YARS2: variants seen among roughly 807,000 people sequenced by gnomAD.
YARS2 encodes tyrosine--tRNA ligase, mitochondrial.
YARS2 carries 38 observed loss-of-function variants against 45.0 expected under a neutral mutation model. The observed-to-expected ratio is 0.84, with a 90% CI of 0.65 to 1.11. YARS2 has a LOEUF of 1.11. YARS2 is among the 50% of genes least tolerant of loss of function. The pLI is 0.00. For synonymous variants in YARS2, 287 were observed against 245.1 expected, an observed-to-expected ratio of 1.17 and a Z score of -1.60; for missense variants, 602 against 599.8, an observed-to-expected ratio of 1.00 and a Z score of -0.04.
chr12:32,751,975 G>A (rs1314846095), intron 2 of YARS2, among the ~76,000 whole-genome samples: 1 of 152,094 alleles, frequency 6.6e-6, no homozygotes, highest in Non-Finnish European at 1.5e-5. Flanking sequence ...TTACCCTCGC[G>A]TTATCACTGC....
Position 32,755,585 on chromosome 12 carries a change from C to T in YARS2, c.290G>A (p.Gly97Asp). ...GCCCGCTCGCTGCAAATGAAACAGG[C>T]CCAGCAGCGCAAGTAGATGACCCAC... ...LHVGHLLALL[G>D]LFHLQRAGHN... The change falls in exon 1 of 5, where the codon GGC becomes GAC. Residue 97 changes from glycine (G) to aspartate (D), a missense_variant. Physicochemically the swap from Gly to Asp is moderately conservative, Grantham distance 94. Transcript: ENST00000324868. The T allele has an allele frequency of 6.2e-7, 1 of 1,613,812 alleles. No individual in the cohort carries two copies.
In YARS2 at chr12:32,750,741, C is replaced by T. The variant is rs148805938; in HGVS notation, c.1081G>A (p.Glu361Lys). The change falls in exon 3 of 5, where the codon GAA becomes AAA. Residue 361 changes from glutamate to lysine, a missense_variant. Transcript: ENST00000324868. ...TACCTTTTAGCAGAATCCAATCCTT[C>T]TCGTCCATGAACAAGCTTTGTTACT... ...AEVTKLVHGR[E>K]GLDSAKRCTQ... The T allele has an allele frequency of 4.3e-6, 7 of 1,614,004 alleles. No homozygotes were observed. In the African/African-American group the frequency reaches 8.0e-5, roughly 18 times the overall value.
At chr12:32,750,401 C>T (rs773382919) in intron 3 of YARS2, among the ~76,000 whole-genome samples, 17 of 152,124 alleles carry the variant, frequency 1.1e-4, no homozygotes, top group Non-Finnish European at 1.9e-4. Context: ...GGGGGTTTCA[C>T]CATGTTGGTC....
rs750572052 is a variant in YARS2, at chr12:32,750,795, G to A, written c.1027C>T (p.Arg343Trp). 6.2e-7 allele frequency: 1 copy of A among 1,614,104 alleles called. No individual in the cohort carries two copies. Among genetic ancestry groups the A allele is most frequent in the Non-Finnish European group, 8.5e-7 (1 of 1,180,020 alleles). Residue 343 changes from arginine (R) to tryptophan (W), a missense_variant, in exon 3 of 5, where the codon CGG becomes TGG. Coordinates refer to ENST00000324868, the MANE Select transcript of YARS2 (RefSeq NM_001040436.3). The part of the protein sequence containing the change: ...MQLHVKEPER[R>W]GPQKRLAAEV... Reference sequence around the variant, plus strand: ...GCTGCCAGTCGTTTCTGAGGACCCCGCCTTTCTGGCTCTTTGACATGCAGC... The same window carrying A: ...GCTGCCAGTCGTTTCTGAGGACCCCACCTTTCTGGCTCTTTGACATGCAGC...
Position 32,750,024 on chromosome 12 carries a change from G to A in YARS2, c.1187C>T (p.Ala396Val). Residue 396 changes from alanine to valine, a missense_variant, in exon 4 of 5, where the codon GCT becomes GTT. Coordinates refer to ENST00000324868, the MANE Select transcript of YARS2 (RefSeq NM_001040436.3). ...ATCGAGAAAAAATTCAGAAAATGGA[G>A]CTTCTTTAAACAACTCTTTTAACTC... ...DQELKELFKE[A>V]PFSEFFLDPG... is the part of the protein sequence containing the mutation. 6.2e-7 allele frequency: 1 copy of A among 1,614,068 alleles called. No individual in the cohort carries two copies. Among genetic ancestry groups the A allele is most frequent in the Non-Finnish European group, 8.5e-7 (1 of 1,179,972 alleles).
chr12:32,751,831 G>A (rs952597771), intron 2 of YARS2, among the ~76,000 whole-genome samples: 55 of 152,296 alleles, frequency 3.6e-4, no homozygotes, highest in African/African-American at 1.3e-3. Flanking sequence ...TGTAATGCTC[G>A]CTCGCCTGCC....
At chr12:32,753,540 A>G (rs1177765407) in intron 2 of YARS2, among the ~76,000 whole-genome samples, 1 of 152,236 alleles carries the variant, frequency 6.6e-6, no homozygotes, top group Non-Finnish European at 1.5e-5. Context: ...ATTTAAGGAG[A>G]AATCATTTCT....
At chr12:32,751,599 G>A (rs1360869277) in intron 2 of YARS2, among the ~76,000 whole-genome samples, 1 of 152,118 alleles carries the variant, frequency 6.6e-6, no homozygotes, top group Non-Finnish European at 1.5e-5. Context: ...GTCAATGATG[G>A]ACTACATATA....
rs1955643095 is a variant in YARS2 at position 32,746,736 on chromosome 12, C to T, written c.*468G>A. ...TATTTTCAGTAGAGACGGGGTTTCG[C>T]CCTGTTGGCCAGGCTGGTCTCAAAC... On this transcript the variant is annotated 3_prime_UTR_variant, in exon 5 of 5. Coordinates refer to ENST00000324868, the MANE Select transcript of YARS2 (RefSeq NM_001040436.3). 1 of 162,686 alleles carries T rather than the reference C, an allele frequency of 6.1e-6. No homozygotes were observed. The highest frequency in any genetic ancestry group is 1.3e-5 in the Non-Finnish European group (1 of 75,280). 10.1% of individuals were successfully genotyped at this position (162,686 alleles called of 1,614,324 possible). A position where few individuals can be genotyped will look rare whatever the true frequency, so the allele number is the denominator to read the frequency against.
rs568351237 is a variant in YARS2 at position 32,754,754 on chromosome 12, C to G, written c.779+342G>C. ...TTTGAGACGGAGTCTCCCTCTGTTG[C>G]CCCAGGCTGGAGTGCAGTGGCGCGA... On this transcript the variant is annotated intron_variant, in intron 1 of 4. Transcript: ENST00000324868. Among the ~76,000 whole-genome samples the G allele has an allele frequency of 4.4e-5, 6 of 137,924 alleles. No individual in the cohort carries two copies. The East Asian group carries it at 1.3e-3, about 29-fold the overall frequency. 90.5% of individuals were successfully genotyped at this position (137,924 alleles called of 152,430 possible).
At position 32,755,554 on chromosome 12, in the gene YARS2, G is replaced by A; in HGVS notation, c.321C>T (p.Asn107=). The A allele has an allele frequency of 6.8e-6, 11 of 1,613,684 alleles. No homozygotes were observed. Among genetic ancestry groups the A allele is most frequent in the Non-Finnish European group, 9.3e-6 (11 of 1,179,870 alleles). The part of the protein sequence containing the change: ...GLFHLQRAGH[N]VIALVGGATA... Reference sequence around the variant, plus strand: ...TGGCGCCTCCCACCAGCGCGATCACGTTGTGGCCCGCTCGCTGCAAATGAA... The same window carrying A: ...TGGCGCCTCCCACCAGCGCGATCACATTGTGGCCCGCTCGCTGCAAATGAA... Residue 107 remains asparagine (N), a synonymous_variant, in exon 1 of 5, where the codon AAC becomes AAT. Coordinates refer to ENST00000324868, the MANE Select transcript of YARS2 (RefSeq NM_001040436.3).
rs1344399008 is a variant in YARS2 at position 32,754,049 on chromosome 12, A to T, written c.816T>A (p.Pro272=). 1 of 1,614,218 alleles carries T rather than the reference A, an allele frequency of 6.2e-7. No individual in the cohort carries two copies. Among genetic ancestry groups the T allele is most frequent in the Non-Finnish European group, 8.5e-7 (1 of 1,180,044 alleles). The change falls in exon 2 of 5, where the codon CCT becomes CCA. Residue 272 remains proline, a synonymous_variant. Coordinates refer to ENST00000324868, the MANE Select transcript of YARS2 (RefSeq NM_001040436.3). The stretch of plus-strand genomic sequence containing the variant: ...TTGCTCCAGTTGTACTTGTAATTAG[A>T]GGAACGGTGATTCCAAATACATCTT... ...TGEDVFGITV[P]LITSTTGAKL...
At chr12:32,749,340 T>C (rs1233518957) in intron 4 of YARS2, among the ~76,000 whole-genome samples, 2 of 152,130 alleles carry the variant, frequency 1.3e-5, no homozygotes, top group South Asian at 2.1e-4. Flanking sequence ...TGCCAGTGTA[T>C]TTACTGAACA....
intron 1 of YARS2, 96 bp downstream of exon 1, chr12:32,755,000 C>T (rs1253613247): frequency 4.0e-6 from 6 of 1,512,848 alleles, no homozygotes; most frequent in Non-Finnish European, 5.5e-6. Flanking sequence ...AGAGCTGGAA[C>T]GAAGGGCAGC....
At position 32,755,650 on chromosome 12, in the gene YARS2, G is replaced by A. The variant is rs376399300; in HGVS notation, c.225C>T (p.Thr75=). 115 of 1,614,132 alleles carry A rather than the reference G, an allele frequency of 7.1e-5. No individual in the cohort carries two copies. The highest frequency in any genetic ancestry group is 6.4e-4 in the African/African-American group (48 of 74,958). The part of the protein sequence containing the change: ...FDRGTASFPQ[T]IYCGFDPTAD... ...CCGTGGGGTCGAAGCCACAGTAAAT[G>A]GTTTGGGGAAAACTCGCCGTGCCAC... is the stretch of plus-strand genomic sequence containing the variant. Residue 75 remains threonine, a synonymous_variant, in exon 1 of 5, where the codon ACC becomes ACT. Transcript: ENST00000324868.
intron 2 of YARS2, among the ~76,000 whole-genome samples, chr12:32,751,643 C>T (rs1955747225): frequency 6.6e-6 from 1 of 152,250 alleles, no homozygotes; most frequent in Non-Finnish European, 1.5e-5. Context: ...CACCACGAGG[C>T]GGCGGGGAGG....
Position 32,750,304 on chromosome 12 carries a change from C to T in YARS2, c.1104-197G>A, listed in dbSNP as rs148832666. ...GCAACCTCTGCCTCCCGGGTTCAGG[C>T]GATTCTCCTGCCTCAGCCTCCTGAG... On this transcript the variant is annotated intron_variant, in intron 3 of 4. Transcript: ENST00000324868. Among the ~76,000 whole-genome samples the T allele has an allele frequency of 0.012, 1,850 of 152,184 alleles. 37 individuals are homozygous for T. The highest frequency in any genetic ancestry group is 0.043 in the African/African-American group (1,769 of 41,504).
chr12:32,754,756 C>T (rs1592714080), intron 1 of YARS2, among the ~76,000 whole-genome samples: 2 of 148,850 alleles, frequency 1.3e-5, no homozygotes, highest in East Asian at 2.0e-4. Flanking sequence ...CTCTGTTGCC[C>T]CAGGCTGGAG....
chr12:32,755,473 T>C lies in YARS2; in HGVS notation c.402A>G (p.Thr134=). 1 of 1,612,396 alleles carries C rather than the reference T, an allele frequency of 6.2e-7. No homozygotes were observed. The highest frequency in any genetic ancestry group is 8.5e-7 in the Non-Finnish European group (1 of 1,179,480). Residue 134 remains threonine, a synonymous_variant, in exon 1 of 5, where the codon ACA becomes ACG. Coordinates refer to ENST00000324868, the MANE Select transcript of YARS2 (RefSeq NM_001040436.3). ...CTCGCGCGTTGGCTCGCACGCGCTC[T>C]GTCTCCAGCGCCTCGCGTTCCTTGG... The part of the protein sequence containing the change: ...GRTKEREALE[T]ERVRANARAL...
Sources: allele counts gnomAD v4.1 joint callset (sites outside exome capture counted in the v4.1 genomes callset), GRCh38; gene constraint gnomAD v4.1.1; transcripts MANE v1.5; gene names NCBI Gene and HGNC (gene_info 2026-07-23, HGNC 2026-07-21).